PTPRD: variants seen among roughly 807,000 people sequenced by gnomAD.
PTPRD encodes receptor-type tyrosine-protein phosphatase delta.
Under a neutral mutation model 214.5 loss-of-function variants are expected in PTPRD, and 34 were observed. The observed-to-expected ratio is 0.16, with a 90% CI of 0.12 to 0.21. The LOEUF (loss-of-function observed/expected upper bound fraction) is 0.21. Ranked by LOEUF, PTPRD falls within the 10% of genes least tolerant of loss-of-function variation. The pLI is 1.00. For missense variants in PTPRD, 2,545 were observed against 2,398.7 expected (o/e 1.06, Z -1.27); for synonymous variants, 1,128 against 845.7 (o/e 1.33, Z -5.79).
chr9:9,831,582 C>G (rs560283379), intron 5 of PTPRD, among the ~76,000 whole-genome samples: 1 of 151,950 alleles, frequency 6.6e-6, no homozygotes, highest in Non-Finnish European at 1.5e-5. Context: ...TAGGAGTTGA[C>G]TTGCAACAGA....
intron 5 of PTPRD, among the ~76,000 whole-genome samples, chr9:9,767,838 C>G (rs2098719159): frequency 6.6e-6 from 1 of 152,052 alleles, no homozygotes. Context: ...TAGAAGAAAC[C>G]TAACTGGACC....
At chr9:10,282,604 C>T (rs1305667643) in intron 3 of PTPRD, among the ~76,000 whole-genome samples, 3 of 152,140 alleles carry the variant, frequency 2.0e-5, no homozygotes, top group Admixed American at 2.0e-4. Context: ...TATCTGAAGG[C>T]TGTGGCTCTC....
intron 7 of PTPRD, among the ~76,000 whole-genome samples, chr9:9,585,961 A>G (rs2091872349): frequency 2.0e-5 from 3 of 152,012 alleles, no homozygotes; most frequent in Non-Finnish European, 2.9e-5. Flanking sequence ...TTTGGGAGAT[A>G]TATTTGGCTT....
chr9:10,208,378 G>T (rs370140), intron 3 of PTPRD, among the ~76,000 whole-genome samples: 101,782 of 149,650 alleles, frequency 0.68, 36,313 homozygotes, highest in Admixed American at 0.81. Flanking sequence ...GCCGGGCGTG[G>T]TGGCGGGCGC....
chr9:9,286,384 C>T (rs1045829914), intron 9 of PTPRD, among the ~76,000 whole-genome samples: 7 of 151,802 alleles, frequency 4.6e-5, no homozygotes, highest in African/African-American at 1.4e-4. Context: ...ATCTTCATGG[C>T]CCTGCCTTCA....
intron 5 of PTPRD, among the ~76,000 whole-genome samples, chr9:9,905,948 C>A (rs117163745): frequency 1.3e-5 from 2 of 151,860 alleles, no homozygotes; most frequent in Admixed American, 1.3e-4. Context: ...GACCAGAATA[C>A]GGTGGTTTTA....
At chr9:9,223,007 T>A (rs2099957160) in intron 9 of PTPRD, among the ~76,000 whole-genome samples, 1 of 152,066 alleles carries the variant, frequency 6.6e-6, no homozygotes, top group Admixed American at 6.6e-5. Flanking sequence ...TTTTTCTTAC[T>A]GTAACTATAT....
chr9:9,267,360 T>C (rs902767902), intron 9 of PTPRD, among the ~76,000 whole-genome samples: 14 of 151,054 alleles, frequency 9.3e-5, no homozygotes, highest in African/African-American at 2.7e-4. Flanking sequence ...AATGAAGAAA[T>C]AGATAACCTG....
intron 12 of PTPRD, chr9:8,713,768 C>A: frequency 1.3e-6 from 2 of 1,535,530 alleles, no homozygotes; most frequent in East Asian, 2.3e-5. Flanking sequence ...ATCAAGTTCC[C>A]GCTGCCCCAC....
intron 8 of PTPRD, among the ~76,000 whole-genome samples, chr9:9,424,781 T>A (rs139624729): frequency 6.6e-6 from 1 of 152,284 alleles, no homozygotes; most frequent in East Asian, 1.9e-4. Flanking sequence ...AAGTCAATAT[T>A]TTAAAATTGC....
At chr9:10,409,517 G>A (rs190789367) in intron 2 of PTPRD, among the ~76,000 whole-genome samples, 31 of 151,684 alleles carry the variant, frequency 2.0e-4, no homozygotes, top group Non-Finnish European at 2.9e-5. Flanking sequence ...AATATTTAAG[G>A]CTAAACTCTT....
intron 11 of PTPRD, among the ~76,000 whole-genome samples, chr9:8,870,214 A>G (rs1296655472): frequency 6.6e-6 from 1 of 152,096 alleles, no homozygotes; most frequent in African/African-American, 2.4e-5. Context: ...ACAGCATAAT[A>G]GCTACTTTGG....
chr9:10,125,453 ATTATTATTATTATT>A (rs2098810423), intron 3 of PTPRD, among the ~76,000 whole-genome samples: 1 of 118,868 alleles, frequency 8.4e-6, no homozygotes, highest in Non-Finnish European at 1.8e-5. Context: ...TATTATTATT[ATTATTATTATTATT>A]ATTTTGAGAC....
At chr9:8,389,541 T>G in intron 36 of PTPRD, 134 bp from the exon 37 acceptor site, 1 of 602,690 alleles carries the variant, frequency 1.7e-6, no homozygotes, top group Non-Finnish European at 2.7e-6. Context: ...GAAGGTCGGG[T>G]TTCAAGCAAG....
intron 4 of PTPRD, among the ~76,000 whole-genome samples, chr9:10,012,637 A>G (rs7860568): frequency 6.6e-6 from 1 of 151,792 alleles, no homozygotes; most frequent in Non-Finnish European, 1.5e-5. Context: ...GTTACCCAAG[A>G]CTAGCACTGT....
intron 8 of PTPRD, among the ~76,000 whole-genome samples, chr9:9,512,794 C>A (rs1280067962): frequency 6.6e-6 from 1 of 151,162 alleles, no homozygotes; most frequent in African/African-American, 2.4e-5. Context: ...TATGGCAAAT[C>A]TTAAACTTGG....
chr9:8,439,935 A>ATTTTTTT (rs1166530719), intron 34 of PTPRD, among the ~76,000 whole-genome samples: 1,329 of 73,222 alleles, frequency 0.018, 112 homozygotes, highest in East Asian at 0.052. Context: ...ATGTGCTTTA[A>ATTTTTTT]TTTTTTTTTT....
intron 14 of PTPRD, among the ~76,000 whole-genome samples, chr9:8,584,130 C>T (rs1242541727): frequency 6.6e-6 from 1 of 151,942 alleles, no homozygotes; most frequent in Non-Finnish European, 1.5e-5. Flanking sequence ...TTCCAGCCTG[C>T]ACAACAGAGT....
chr9:8,740,534 G>A (rs1445420363), intron 11 of PTPRD, among the ~76,000 whole-genome samples: 5 of 151,956 alleles, frequency 3.3e-5, no homozygotes. Flanking sequence ...TGAGAAAAGG[G>A]GCCATTGAAC....
Sources: gnomAD v4.1 joint callset for allele counts (sites outside exome capture counted in the v4.1 genomes callset) on GRCh38, gnomAD v4.1.1 for gene constraint, MANE v1.5 for transcripts, NCBI Gene and HGNC (gene_info 2026-07-23, HGNC 2026-07-21) for gene names.